AFF3: variants seen among roughly 807,000 people sequenced by gnomAD.
AFF3 encodes the protein ALF transcription elongation factor 3, also known as AF4/FMR2 family member 3.
AFF3 carries 32 observed loss-of-function variants against 129.7 expected under a neutral mutation model. The ratio of observed to expected loss-of-function variants is 0.25; its 90% confidence interval spans 0.19 to 0.33. AFF3 has a LOEUF of 0.33. Among genes scored for constraint, AFF3 ranks in the 10% least tolerant of loss-of-function variants. The pLI is 1.00. For synonymous variants in AFF3, 644 were observed against 635.4 expected (o/e 1.01, Z -0.20); for missense variants, 1,373 against 1,592.0 (o/e 0.86, Z 2.34).
intron 7 of AFF3, among the ~76,000 whole-genome samples, chr2:99,848,143 G>A (rs1377995843): frequency 6.6e-6 from 1 of 151,992 alleles, no homozygotes; most frequent in Non-Finnish European, 1.5e-5. Flanking sequence ...CCAGCTACTT[G>A]GGAGGCTGAG....
intron 13 of AFF3, among the ~76,000 whole-genome samples, chr2:99,617,044 C>T (rs1209005340): frequency 6.6e-6 from 1 of 152,186 alleles, no homozygotes; most frequent in Non-Finnish European, 1.5e-5. Context: ...CCACATTTTG[C>T]TTATCCTTTC....
chr2:100,039,357 G>A (rs1685236048), intron 4 of AFF3, among the ~76,000 whole-genome samples: 1 of 152,092 alleles, frequency 6.6e-6, no homozygotes, highest in Non-Finnish European at 1.5e-5. Context: ...CTAGGTGGTC[G>A]AGATCAACCT....
chr2:99,901,653 T>C (rs1372118334), intron 7 of AFF3, among the ~76,000 whole-genome samples: 1 of 152,190 alleles, frequency 6.6e-6, no homozygotes, highest in Non-Finnish European at 1.5e-5. Flanking sequence ...TGAAGAGCCA[T>C]CTTCTCTGGA....
chr2:99,957,836 G>A (rs1676812660), intron 7 of AFF3, among the ~76,000 whole-genome samples: 1 of 152,140 alleles, frequency 6.6e-6, no homozygotes, highest in Non-Finnish European at 1.5e-5. Flanking sequence ...TCTCTGGATG[G>A]CAGGCCAGGA....
At chr2:99,965,432 T>C (rs956544693) in intron 7 of AFF3, among the ~76,000 whole-genome samples, 1 of 152,252 alleles carries the variant, frequency 6.6e-6, no homozygotes, top group African/African-American at 2.4e-5. Flanking sequence ...ATTCCAGTCC[T>C]GCTCTCTTTC....
chr2:99,839,267 G>A (rs563285856), intron 7 of AFF3, among the ~76,000 whole-genome samples: 88 of 152,166 alleles, frequency 5.8e-4, no homozygotes, highest in Non-Finnish European at 1.1e-3. Flanking sequence ...CCACCACCAT[G>A]CCCAGCTAAT....
At chr2:99,837,358 A>T in intron 8 of AFF3, 119 bp downstream of exon 8, 1 of 969,542 alleles carries the variant, frequency 1.0e-6, no homozygotes, top group Non-Finnish European at 1.5e-6. Context: ...GACTACTCTC[A>T]GAAAAGGTAA....
intron 13 of AFF3, among the ~76,000 whole-genome samples, chr2:99,639,798 C>T (rs1412969204): frequency 6.6e-6 from 1 of 151,650 alleles, no homozygotes; most frequent in Non-Finnish European, 1.5e-5. Context: ...AGTGATTCTC[C>T]TGCCTCAGCC....
chr2:100,011,127 A>G (rs1682497438), intron 4 of AFF3, among the ~76,000 whole-genome samples: 1 of 152,136 alleles, frequency 6.6e-6, no homozygotes, highest in Non-Finnish European at 1.5e-5. Context: ...ACAAAAAATT[A>G]GCCAGGGGCG....
At chr2:99,884,454 A>G (rs1480205089) in intron 7 of AFF3, among the ~76,000 whole-genome samples, 1 of 152,236 alleles carries the variant, frequency 6.6e-6, no homozygotes, top group Admixed American at 6.5e-5. Context: ...GCTGGAGTGC[A>G]GTGGCATGAT....
At chr2:99,787,457 C>T (rs79829676) in intron 8 of AFF3, among the ~76,000 whole-genome samples, 20 of 152,306 alleles carry the variant, frequency 1.3e-4, no homozygotes, top group Admixed American at 7.2e-4. Flanking sequence ...GAAAGCCTCA[C>T]GGTTTGGCTC....
chr2:99,573,233 C>A (rs1676671731), intron 18 of AFF3, among the ~76,000 whole-genome samples: 1 of 151,942 alleles, frequency 6.6e-6, no homozygotes, highest in Non-Finnish European at 1.5e-5. Context: ...CTGTCCCCCG[C>A]ACCCCTTTGC....
intron 7 of AFF3, among the ~76,000 whole-genome samples, chr2:99,851,750 A>G (rs1022806784): frequency 6.6e-6 from 1 of 152,252 alleles, no homozygotes. Flanking sequence ...TTGTAGCAAT[A>G]AAAGTGTGTC....
chr2:99,546,510 A>G lies in AFF3; in HGVS notation c.*4964T>C, dbSNP rs921710302. 8.6e-6 allele frequency: 2 copies of G among 232,850 alleles called. No homozygotes were observed. The highest frequency in any genetic ancestry group is 1.1e-4 in the Admixed American group (2 of 17,762). The allele number at this position is 232,850 out of a possible 1,614,324, so 14.4% of individuals were successfully genotyped here. On this transcript the variant is annotated 3_prime_UTR_variant, in exon 25 of 25. Transcript: ENST00000672756. The stretch of plus-strand genomic sequence containing the variant: ...TGGTATAATGGGAAAAAGACAAAGG[A>G]TATTTGAATCTAAGGACATGGGCTG...
intron 4 of AFF3, among the ~76,000 whole-genome samples, chr2:100,037,478 T>A (rs1377760456): frequency 1.9e-5 from 2 of 102,676 alleles, no homozygotes; most frequent in African/African-American, 3.8e-5. Flanking sequence ...ATATTTATAT[T>A]TTATATATTA....
chr2:99,585,219 G>A (rs1677975990), intron 16 of AFF3, among the ~76,000 whole-genome samples: 1 of 152,188 alleles, frequency 6.6e-6, no homozygotes, highest in South Asian at 2.1e-4. Flanking sequence ...TTTTTACAGT[G>A]CATGGAAAAC....
chr2:99,584,371 G>T (rs1358542740), intron 16 of AFF3, among the ~76,000 whole-genome samples: 1 of 152,222 alleles, frequency 6.6e-6, no homozygotes, highest in Admixed American at 6.5e-5. Context: ...AGCTCAGGAG[G>T]CTGAGGCAGG....
At position 100,105,418 on chromosome 2, in the gene AFF3, G is replaced by T. The variant is rs559345515; in HGVS notation, c.-65+86C>A. 6.1e-5 allele frequency: 80 copies of T among 1,314,120 alleles called. No individual in the cohort carries two copies. In the African/African-American group the frequency reaches 1.0e-3, roughly 17 times the overall value. 81.4% of individuals were successfully genotyped at this position (1,314,120 alleles called of 1,614,324 possible). A position where few individuals can be genotyped will look rare whatever the true frequency, so the allele number is the denominator to read the frequency against. On this transcript the variant is annotated intron_variant, in intron 3 of 24. Coordinates refer to ENST00000672756, the MANE Select transcript of AFF3 (RefSeq NM_001386135.1). ...CCTCTTCCACCCGGACCTGCTCTCC[G>T]TTGCGGTTTGGCCTCCAGTGGTGGT... is the stretch of plus-strand genomic sequence containing the variant.
intron 8 of AFF3, among the ~76,000 whole-genome samples, chr2:99,820,680 AAACACATTGTAC>A (rs1257867356): frequency 2.2e-5 from 3 of 138,506 alleles, no homozygotes; most frequent in Admixed American, 1.5e-4. Flanking sequence ...CTTAAAACAC[AAACACATTGTAC>A]AACACATTGT....
Sources: gnomAD v4.1 joint callset for allele counts (sites outside exome capture counted in the v4.1 genomes callset) on GRCh38, gnomAD v4.1.1 for gene constraint, MANE v1.5 for transcripts, NCBI Gene and HGNC (gene_info 2026-07-23, HGNC 2026-07-21) for gene names.